ALS2: variants seen among roughly 807,000 people sequenced by gnomAD.
The protein encoded by ALS2 is alsin.
In ALS2, 117 loss-of-function variants were observed where a neutral mutation model predicts 203.4. The observed-to-expected ratio is 0.58, with a 90% confidence interval of 0.50 to 0.67. The LOEUF is 0.67. ALS2 is among the 30% of genes least tolerant of loss of function. The pLI is 0.00. For synonymous variants in ALS2, 718 were observed against 725.9 expected (o/e 0.99, Z 0.17); for missense variants, 1,715 against 1,989.4 (o/e 0.86, Z 2.62).
chr2:201,753,185 T>C lies in ALS2; in HGVS notation c.1698A>G (p.Ala566=), dbSNP rs1693169641. Residue 566 remains alanine, a synonymous_variant, in exon 7 of 34, where the codon GCA becomes GCG. Transcript: ENST00000264276. ...TAAGTGCAAGAGAATGGTAACCACC[T>C]GCCTCCAGATGGATTACTTCTTTGC... ...LDGKEVIHLE[A]GGYHSLALTA... 1 of 1,614,048 alleles carries C rather than the reference T, an allele frequency of 6.2e-7. No homozygotes were observed. Among genetic ancestry groups the C allele is most frequent in the African/African-American group, 1.3e-5 (1 of 74,954 alleles).
intron 23 of ALS2, among the ~76,000 whole-genome samples, chr2:201,719,087 A>G (rs769695888): frequency 6.6e-6 from 1 of 152,258 alleles, no homozygotes; most frequent in Non-Finnish European, 1.5e-5. Context: ...GAAAAAAAAG[A>G]GAAAACATAA....
intron 13 of ALS2, among the ~76,000 whole-genome samples, chr2:201,729,737 C>T (rs12478615): frequency 0.52 from 78,788 of 151,560 alleles, 21,798 homozygotes; most frequent in Admixed American, 0.63. Context: ...AAAAATTAGC[C>T]GGGTGTGGTG....
At chr2:201,729,321 G>A in intron 13 of ALS2, 138 bp from the exon 14 acceptor site, 1 of 865,428 alleles carries the variant, frequency 1.2e-6, no homozygotes, top group Non-Finnish European at 1.8e-6. Context: ...GTAGCACACT[G>A]CAGGAGACTG....
At position 201,724,352 on chromosome 2, in the gene ALS2, A is replaced by G. The variant is rs772448701; in HGVS notation, c.3455T>C (p.Ile1152Thr). ...KLTSSSPSMF[I>T]GQWVMDKKAG... is the part of the protein sequence containing the mutation. ...TTTCTTATCCATTACCCACTGGCCA[A>G]TGAACATACTAGGAGAAGAGGACGT... Residue 1152 changes from isoleucine to threonine, a missense_variant, in exon 21 of 34, where the codon ATT becomes ACT. Transcript: ENST00000264276. The G allele has an allele frequency of 7.4e-6, 12 of 1,613,970 alleles. No homozygotes were observed. The African/African-American group carries it at 8.0e-5, about 11-fold the overall frequency.
rs770386381 is a variant in ALS2 at position 201,757,407 on chromosome 2, G to A, written c.1466C>T (p.Ser489Leu). ...SRRLSLPGLL[S>L]QVSPRLLRKA... Reference sequence around the variant, plus strand: ...AAACCTAGTTATTTCCTTACCTTGTGACAACAATCCAGGGAGGGAGAGTCT... The same window carrying A: ...AAACCTAGTTATTTCCTTACCTTGTAACAACAATCCAGGGAGGGAGAGTCT... Residue 489 changes from serine to leucine, a missense_variant, in exon 5 of 34, where the codon TCA (serine) becomes TTA (leucine). Ser to Leu is a moderately radical substitution (Grantham distance 145). Coordinates refer to ENST00000264276, the MANE Select transcript of ALS2 (RefSeq NM_020919.4). The A allele has an allele frequency of 3.7e-6, 6 of 1,613,182 alleles. No individual in the cohort carries two copies. In the Admixed American group the frequency reaches 6.7e-5, roughly 18 times the overall value.
At chr2:201,725,328 A>T in intron 20 of ALS2, 28 bp downstream of exon 20, 1 of 1,575,002 alleles carries the variant, frequency 6.3e-7, no homozygotes, top group Non-Finnish European at 8.7e-7. Flanking sequence ...AAAAACAAAC[A>T]CCAGTCCAAC....
intron 3 of ALS2, among the ~76,000 whole-genome samples, chr2:201,766,586 T>G (rs970688463): frequency 2.0e-5 from 3 of 150,632 alleles, no homozygotes; most frequent in Non-Finnish European, 4.4e-5. Flanking sequence ...GAGGCAGAGG[T>G]TGTGGTGAGC....
At chr2:201,760,677 T>G in intron 4 of ALS2, 1 of 1,378,542 alleles carries the variant, frequency 7.3e-7, no homozygotes, top group African/African-American at 1.5e-5. Context: ...TTCAATATCA[T>G]AAAGGGCCAG....
At chr2:201,707,461 C>G (rs1689788826) in intron 28 of ALS2, among the ~76,000 whole-genome samples, 1 of 151,662 alleles carries the variant, frequency 6.6e-6, no homozygotes, top group South Asian at 2.1e-4. Context: ...ACAGGTCTCA[C>G]TTTGTCACCC....
At chr2:201,737,524 A>C (rs896020763) in intron 12 of ALS2, among the ~76,000 whole-genome samples, 1 of 152,214 alleles carries the variant, frequency 6.6e-6, no homozygotes, top group Non-Finnish European at 1.5e-5. Flanking sequence ...TCTACCAAAA[A>C]CCTAAAGTAA....
intron 11 of ALS2, among the ~76,000 whole-genome samples, chr2:201,739,691 C>T (rs925644291): frequency 6.7e-6 from 1 of 148,316 alleles, no homozygotes; most frequent in East Asian, 2.0e-4. Context: ...TGCGGCGAGC[C>T]AAGACCGTGC....
chr2:201,709,462 T>C (rs1689906317), intron 27 of ALS2, among the ~76,000 whole-genome samples: 2 of 152,210 alleles, frequency 1.3e-5, no homozygotes, highest in African/African-American at 4.8e-5. Context: ...TCCATAAATA[T>C]TTGTTAAATA....
At position 201,705,066 on chromosome 2, in the gene ALS2, A is replaced by T. The variant is rs1164238312; in HGVS notation, c.4688+73T>A. The stretch of plus-strand genomic sequence containing the variant: ...TGCTTAAGGCTTAGGTAAAGATAAG[A>T]TCATATTAATAATATCTTAATAGAC... On this transcript the variant is annotated intron_variant, in intron 31 of 33. Transcript: ENST00000264276. 16 of 1,423,406 alleles carry T rather than the reference A, an allele frequency of 1.1e-5. No individual in the cohort carries two copies. The Admixed American group carries it at 2.4e-4, about 21-fold the overall frequency. The allele number at this position is 1,423,406 out of a possible 1,614,324, so 88.2% of individuals were successfully genotyped here. A position where few individuals can be genotyped will look rare whatever the true frequency, so the allele number is the denominator to read the frequency against.
At chr2:201,754,695 T>C in intron 5 of ALS2, 24 bp from the exon 6 acceptor site, 1 of 1,613,732 alleles carries the variant, frequency 6.2e-7, no homozygotes, top group Non-Finnish European at 8.5e-7. Context: ...AGACGTGGGG[T>C]GAAGGAGTGG....
chr2:201,721,749 C>T (rs750017787), intron 23 of ALS2, among the ~76,000 whole-genome samples: 13 of 152,240 alleles, frequency 8.5e-5, no homozygotes, highest in East Asian at 1.9e-4. Context: ...CTGCAAACTC[C>T]GCCTCCCAGG....
chr2:201,754,425 G>GT, intron 6 of ALS2, 78 bp downstream of exon 6: 2 of 1,570,392 alleles, frequency 1.3e-6, no homozygotes, highest in African/African-American at 1.3e-5. Flanking sequence ...TATGAGGAAA[G>GT]TGAGATTTAG....
At chr2:201,759,969 T>C (rs1693657028) in intron 4 of ALS2, 1 of 983,684 alleles carries the variant, frequency 1.0e-6, no homozygotes. Context: ...CATGTGCTAC[T>C]GATAAACAAC....
intron 23 of ALS2, 36 bp downstream of exon 23, chr2:201,723,007 T>C (rs1329246267): frequency 1.3e-6 from 2 of 1,489,920 alleles, no homozygotes. Flanking sequence ...TAAAAGAATT[T>C]ATTAGGGAGA....
chr2:201,753,253 A>AACACACAGGC lies in ALS2; in HGVS notation c.1641-21_1641-12dup. On this transcript the variant is annotated splice_polypyrimidine_tract_variant and intron_variant, in intron 6 of 33. Transcript: ENST00000264276. Reference sequence around the variant, plus strand: ...CACAACGGTTGAAGCCTTAAAAAGAAACACACAGGCACACAAAGTCAAAGT... The same window carrying AACACACAGGC: ...CACAACGGTTGAAGCCTTAAAAAGAAACACACAGGCACACACAGGCACACAAAGTCAAAGT... The AACACACAGGC allele has an allele frequency of 6.2e-7, 1 of 1,607,450 alleles. No individual in the cohort carries two copies.
Sources: allele counts gnomAD v4.1 joint callset (sites outside exome capture counted in the v4.1 genomes callset), GRCh38; gene constraint gnomAD v4.1.1; transcripts MANE v1.5; gene names NCBI Gene and HGNC (gene_info 2026-07-23, HGNC 2026-07-21).